NRXN1: variants seen among roughly 807,000 people sequenced by gnomAD.
NRXN1 encodes neurexin 1, also known as neurexin-1.
In NRXN1, 39 loss-of-function variants were observed where a neutral mutation model predicts 150.9. That is an observed-to-expected ratio of 0.26 (90% confidence interval 0.20 to 0.34). NRXN1 has a LOEUF of 0.34. Among genes scored for constraint, NRXN1 ranks in the 10% least tolerant of loss-of-function variants. The pLI is 1.00. For missense variants in NRXN1, 1,815 were observed against 1,949.9 expected (o/e 0.93, Z 1.30); for synonymous variants, 924 against 757.0 (o/e 1.22, Z -3.62).
chr2:50,937,416 T>C (rs1197029764), intron 2 of NRXN1, among the ~76,000 whole-genome samples: 5 of 152,134 alleles, frequency 3.3e-5, no homozygotes, highest in Non-Finnish European at 7.4e-5. Flanking sequence ...ATCAGTAGCA[T>C]GGGAATGAGT....
chr2:50,944,679 T>A (rs987357788), intron 2 of NRXN1, among the ~76,000 whole-genome samples: 1 of 152,202 alleles, frequency 6.6e-6, no homozygotes, highest in South Asian at 2.1e-4. Context: ...TGCCAATTGA[T>A]TTCCAAAATG....
At chr2:50,519,652 A>C (rs528456787) in intron 12 of NRXN1, among the ~76,000 whole-genome samples, 1 of 151,772 alleles carries the variant, frequency 6.6e-6, no homozygotes, top group Non-Finnish European at 1.5e-5. Flanking sequence ...ATTATGTTAG[A>C]TTTTCTATTA....
At chr2:50,994,281 A>C (rs1698962046) in intron 2 of NRXN1, among the ~76,000 whole-genome samples, 1 of 151,944 alleles carries the variant, frequency 6.6e-6, no homozygotes, top group Admixed American at 6.6e-5. Flanking sequence ...CTCTAAATTT[A>C]ATAACCTCCA....
At chr2:49,929,015 T>C (rs1669648932) in intron 22 of NRXN1, among the ~76,000 whole-genome samples, 1 of 152,222 alleles carries the variant, frequency 6.6e-6, no homozygotes, top group African/African-American at 2.4e-5. Context: ...GCCTGGCTGC[T>C]GTCTCCGATA....
intron 5 of NRXN1, among the ~76,000 whole-genome samples, chr2:50,916,523 T>C (rs1242204692): frequency 2.0e-5 from 3 of 151,556 alleles, no homozygotes; most frequent in Non-Finnish European, 3.0e-5. Context: ...ATAAATAACA[T>C]AAAGTCATTA....
intron 3 of NRXN1, among the ~76,000 whole-genome samples, chr2:50,925,284 C>G (rs1365187085): frequency 6.6e-6 from 1 of 151,676 alleles, no homozygotes; most frequent in South Asian, 2.1e-4. Flanking sequence ...AATATATAAG[C>G]TATATAACTT....
chr2:50,175,004 A>C (rs1419483818), intron 18 of NRXN1: 6 of 152,198 alleles, frequency 3.9e-5, no homozygotes, highest in African/African-American at 9.6e-5. Flanking sequence ...TGGGTAGGCT[A>C]TAGATTATTG....
intron 19 of NRXN1, among the ~76,000 whole-genome samples, chr2:50,082,810 A>G (rs989652581): frequency 6.6e-6 from 1 of 150,902 alleles, no homozygotes; most frequent in African/African-American, 2.5e-5. Flanking sequence ...TAAGTGAGAG[A>G]CAAAAAAGTA....
At chr2:50,507,355 T>TG (rs2092278813) in intron 12 of NRXN1, among the ~76,000 whole-genome samples, 1 of 147,996 alleles carries the variant, frequency 6.8e-6, no homozygotes, top group African/African-American at 2.5e-5. Context: ...TCACAGTAAG[T>TG]GGACCGAAGA....
At chr2:50,974,650 T>G (rs1283953815) in intron 2 of NRXN1, among the ~76,000 whole-genome samples, 1 of 152,088 alleles carries the variant, frequency 6.6e-6, no homozygotes, top group Non-Finnish European at 1.5e-5. Context: ...GCCCTCAATG[T>G]AATTCCTGGG....
intron 10 of NRXN1, among the ~76,000 whole-genome samples, chr2:50,534,681 G>A (rs2093208035): frequency 6.6e-6 from 1 of 152,150 alleles, no homozygotes; most frequent in African/African-American, 2.4e-5. Context: ...TCATTATCAT[G>A]TGTTCAGTTA....
At chr2:50,370,343 G>A (rs2079926445) in intron 17 of NRXN1, among the ~76,000 whole-genome samples, 1 of 151,962 alleles carries the variant, frequency 6.6e-6, no homozygotes, top group Non-Finnish European at 1.5e-5. Flanking sequence ...TAGTGAATTT[G>A]TAGGATGTGC....
chr2:50,219,256 A>G (rs1222677508), intron 18 of NRXN1, among the ~76,000 whole-genome samples: 1 of 151,762 alleles, frequency 6.6e-6, no homozygotes, highest in East Asian at 1.9e-4. Context: ...CACTACTTCT[A>G]TGTGTTATCC....
At position 51,012,929 on chromosome 2, in the gene NRXN1, C is replaced by T. The variant is rs990398156; in HGVS notation, c.772+14573G>A. ...TCTGCCCTCTAATCTCATCCTCCTC[C>T]AGGAACAATTCATACCAGTACTACC... On this transcript the variant is annotated intron_variant, in intron 2 of 22. Coordinates refer to ENST00000401669, the MANE Select transcript of NRXN1 (RefSeq NM_001330078.2). 3.3e-5 allele frequency among the ~76,000 whole-genome samples: 5 copies of T among 151,904 alleles called. No homozygotes were observed. In the East Asian group the frequency reaches 9.7e-4, roughly 29 times the overall value.
intron 8 of NRXN1, among the ~76,000 whole-genome samples, chr2:50,570,011 G>T (rs74874467): frequency 6.6e-6 from 1 of 152,066 alleles, no homozygotes; most frequent in Non-Finnish European, 1.5e-5. Flanking sequence ...GCCAATTAAC[G>T]CTGCTCATAT....
At chr2:50,295,604 T>C (rs1340820426) in intron 17 of NRXN1, among the ~76,000 whole-genome samples, 1 of 152,220 alleles carries the variant, frequency 6.6e-6, no homozygotes, top group Non-Finnish European at 1.5e-5. Flanking sequence ...ATAAAACATC[T>C]TTCACAAATG....
intron 5 of NRXN1, among the ~76,000 whole-genome samples, chr2:50,850,712 T>TA (rs1479238564): frequency 6.6e-6 from 1 of 151,510 alleles, no homozygotes; most frequent in Non-Finnish European, 1.5e-5. Context: ...ACATTCCTTT[T>TA]AAAAAATCAA....
chr2:50,099,703 T>C (rs1373538939), intron 18 of NRXN1, among the ~76,000 whole-genome samples: 1 of 152,144 alleles, frequency 6.6e-6, no homozygotes, highest in East Asian at 1.9e-4. Flanking sequence ...ATTTCGGTTT[T>C]GCTAGAGGAT....
rs1553513389 is a variant in NRXN1, at chr2:50,373,674, G to GAAAGA, written c.3364+91763_3364+91767dup. Among the ~76,000 whole-genome samples the GAAAGA allele has an allele frequency of 2.1e-3, 206 of 99,138 alleles. 3 individuals are homozygous for GAAAGA. Among genetic ancestry groups the GAAAGA allele is most frequent in the African/African-American group, 8.9e-3 (196 of 22,116 alleles). 65.0% of individuals were successfully genotyped at this position (99,138 alleles called of 152,430 possible). A position where few individuals can be genotyped will look rare whatever the true frequency, so the allele number is the denominator to read the frequency against. On this transcript the variant is annotated intron_variant, in intron 17 of 22. Transcript: ENST00000401669. ...AGAAAGAAAGAAAGAAAGAAAGAAA[G>GAAAGA]AAAGAAAAGAAAGAAGGAAAGAAAG...
Sources: gnomAD v4.1 joint callset for allele counts (sites outside exome capture counted in the v4.1 genomes callset) on GRCh38, gnomAD v4.1.1 for gene constraint, MANE v1.5 for transcripts, NCBI Gene and HGNC (gene_info 2026-07-23, HGNC 2026-07-21) for gene names.